The following EYS variants were observed in gnomAD, a reference collection of about 807,000 sequenced individuals.
The protein encoded by EYS is EGF-like photoreceptor maintenance factor, also known as protein eyes shut homolog.
A neutral mutation model predicts 282.1 loss-of-function variants in EYS; 250 were observed. That is an observed-to-expected ratio of 0.89 (90% CI 0.80 to 0.98). The LOEUF is 0.98. Among genes scored for constraint, EYS ranks in the 50% least tolerant of loss-of-function variants. The pLI, the probability that EYS is intolerant of heterozygous loss-of-function variation, is 0.00. For missense variants in EYS, 4,016 were observed against 3,709.0 expected, an observed-to-expected ratio of 1.08 and a Z score of -2.15; for synonymous variants, 1,355 against 1,282.9, an observed-to-expected ratio of 1.06 and a Z score of -1.20.
intron 22 of EYS, among the ~76,000 whole-genome samples, chr6:64,695,324 A>G (rs1298938660): frequency 2.0e-5 from 3 of 152,052 alleles, no homozygotes; most frequent in Non-Finnish European, 4.4e-5. Flanking sequence ...TGCACAGCTC[A>G]TTACAACATC....
intron 2 of EYS, among the ~76,000 whole-genome samples, chr6:65,510,010 T>C (rs1280539617): frequency 1.3e-5 from 2 of 148,178 alleles, no homozygotes; most frequent in Non-Finnish European, 3.0e-5. Context: ...AAAATTTTCT[T>C]TTTTTTTTCT....
intron 32 of EYS, 70 bp from the exon 33 acceptor site, chr6:64,066,561 A>G: frequency 9.0e-7 from 1 of 1,109,976 alleles, no homozygotes; most frequent in African/African-American, 1.6e-5. Context: ...ATAATTAAAC[A>G]CAATCTTTGC....
At chr6:65,130,546 A>G (rs2150202174) in intron 12 of EYS, among the ~76,000 whole-genome samples, 1 of 152,080 alleles carries the variant, frequency 6.6e-6, no homozygotes, top group South Asian at 2.1e-4. Context: ...AAAGTAACAC[A>G]GGAACAGAAA....
chr6:63,761,251 G>A (rs992617646), intron 41 of EYS, among the ~76,000 whole-genome samples: 17 of 151,924 alleles, frequency 1.1e-4, no homozygotes, highest in Non-Finnish European at 2.2e-4. Flanking sequence ...AGGAAAGAGT[G>A]TGGCATATTC....
intron 41 of EYS, among the ~76,000 whole-genome samples, chr6:63,746,124 T>G (rs1255069891): frequency 6.6e-6 from 1 of 152,348 alleles, no homozygotes; most frequent in East Asian, 1.9e-4. Context: ...ATTGGGAGTT[T>G]TTAGCATGAA....
intron 2 of EYS, among the ~76,000 whole-genome samples, chr6:65,599,868 C>G (rs921692058): frequency 1.3e-5 from 2 of 151,940 alleles, no homozygotes; most frequent in Admixed American, 1.3e-4. Context: ...AAACAAATAC[C>G]TTGAGTGCTA....
intron 22 of EYS, among the ~76,000 whole-genome samples, chr6:64,670,636 A>T (rs1206262624): frequency 2.0e-5 from 3 of 152,116 alleles, no homozygotes; most frequent in African/African-American, 7.2e-5. Flanking sequence ...GCTTCCAGGA[A>T]GCAGGAAAAT....
intron 16 of EYS, 92 bp downstream of exon 16, chr6:64,912,392 C>T: frequency 8.6e-7 from 1 of 1,164,622 alleles, no homozygotes; most frequent in East Asian, 2.6e-5. Flanking sequence ...TTTTCCAACC[C>T]ATTTTAGGAG....
intron 26 of EYS, among the ~76,000 whole-genome samples, chr6:64,524,686 T>A (rs1777860943): frequency 6.6e-6 from 1 of 151,854 alleles, no homozygotes; most frequent in Non-Finnish European, 1.5e-5. Flanking sequence ...CTTCTGCATA[T>A]GGCTAGCCAG....
At chr6:64,552,439 G>A (rs1765110740) in intron 26 of EYS, among the ~76,000 whole-genome samples, 1 of 152,048 alleles carries the variant, frequency 6.6e-6, no homozygotes, top group South Asian at 2.1e-4. Flanking sequence ...CAAAGAGTCT[G>A]GCACCTGTTA....
intron 12 of EYS, among the ~76,000 whole-genome samples, chr6:65,126,005 T>C (rs1323359125): frequency 6.6e-6 from 1 of 152,108 alleles, no homozygotes; most frequent in East Asian, 1.9e-4. Context: ...CGTATGCATA[T>C]GAAGTACCTG....
intron 22 of EYS, among the ~76,000 whole-genome samples, chr6:64,724,845 GA>G (rs1194525588): frequency 1.3e-5 from 2 of 152,138 alleles, no homozygotes; most frequent in East Asian, 3.9e-4. Flanking sequence ...CCACTTTTAA[GA>G]AAAATAATTT....
intron 41 of EYS, chr6:63,744,488 A>G (rs1769161449): frequency 6.6e-6 from 1 of 152,088 alleles, no homozygotes. Flanking sequence ...CCCACTTGCA[A>G]TGTCCTCTCA....
chr6:65,684,384 A>G (rs1298219301), intron 1 of EYS, among the ~76,000 whole-genome samples: 5 of 152,012 alleles, frequency 3.3e-5, no homozygotes, highest in African/African-American at 1.2e-4. Flanking sequence ...AGATGGTGGG[A>G]GGGGGTCCTT....
intron 1 of EYS, among the ~76,000 whole-genome samples, chr6:65,686,301 C>T (rs879822755): frequency 3.9e-5 from 6 of 152,040 alleles, no homozygotes; most frequent in Admixed American, 6.6e-5. Flanking sequence ...TGATGTCTAC[C>T]TCTGCATCTT....
At chr6:64,436,058 A>G (rs112848046) in intron 28 of EYS, 116 bp downstream of exon 28, 4,839 of 467,610 alleles carry the variant, frequency 0.01, 116 homozygotes, top group African/African-American at 0.062. Context: ...ATTCATACAC[A>G]TGCACATGTT....
intron 31 of EYS, among the ~76,000 whole-genome samples, chr6:64,138,828 T>A (rs1217034779): frequency 3.9e-5 from 6 of 152,214 alleles, no homozygotes; most frequent in Non-Finnish European, 8.8e-5. Context: ...TATTATGATG[T>A]GTTAATGTTG....
chr6:63,979,473 C>T (rs1028174549), intron 35 of EYS, among the ~76,000 whole-genome samples: 3 of 151,812 alleles, frequency 2.0e-5, no homozygotes, highest in Admixed American at 6.6e-5. Context: ...TGCTTAGCTC[C>T]TGGTAAAATT....
At chr6:65,029,762 C>T (rs76879047) in intron 13 of EYS, among the ~76,000 whole-genome samples, 1 of 152,228 alleles carries the variant, frequency 6.6e-6, no homozygotes, top group East Asian at 1.9e-4. Context: ...AAGACTGGCA[C>T]ACTGTGTGAG....
Sources: gnomAD v4.1 joint callset for allele counts (sites outside exome capture counted in the v4.1 genomes callset) on GRCh38, gnomAD v4.1.1 for gene constraint, MANE v1.5 for transcripts, NCBI Gene and HGNC (gene_info 2026-07-23, HGNC 2026-07-21) for gene names.